DSTYK: variants seen among roughly 807,000 people sequenced by gnomAD.
The protein encoded by DSTYK is dual serine/threonine and tyrosine protein kinase, also known as RIP-homologous kinase.
A neutral mutation model predicts 98.7 loss-of-function variants in DSTYK; 34 were observed. That is an observed-to-expected ratio of 0.34 (90% CI 0.26 to 0.46). The LOEUF is 0.46. Among genes scored for constraint, DSTYK ranks in the 20% least tolerant of loss-of-function variants. DSTYK has a pLI of 1.00. For missense variants in DSTYK, 962 were observed against 1,181.7 expected, an observed-to-expected ratio of 0.81 and a Z score of 2.73; for synonymous variants, 462 against 457.3, an observed-to-expected ratio of 1.01 and a Z score of -0.13.
At chr1:205,168,018 A>G (rs918378428) in intron 3 of DSTYK, among the ~76,000 whole-genome samples, 2 of 152,194 alleles carry the variant, frequency 1.3e-5, no homozygotes, top group Non-Finnish European at 2.9e-5. Context: ...AGGCAGGGGA[A>G]TTGCTTGAAC....
intron 1 of DSTYK, among the ~76,000 whole-genome samples, chr1:205,207,006 G>A (rs868467698): frequency 6.6e-6 from 1 of 151,946 alleles, no homozygotes; most frequent in South Asian, 2.1e-4. Context: ...GTTAGTAAGA[G>A]GTGAAACCAG....
At chr1:205,204,639 T>C (rs1659148706) in intron 1 of DSTYK, among the ~76,000 whole-genome samples, 1 of 152,216 alleles carries the variant, frequency 6.6e-6, no homozygotes, top group African/African-American at 2.4e-5. Context: ...TACAATTCAG[T>C]GGCTTTTAGA....
intron 2 of DSTYK, among the ~76,000 whole-genome samples, chr1:205,174,151 G>A (rs1362144005): frequency 1.3e-5 from 2 of 152,074 alleles, no homozygotes; most frequent in South Asian, 4.1e-4. Flanking sequence ...GGTTGAGGTG[G>A]GCAGATTGCT....
chr1:205,183,947 T>C (rs1157134243), intron 2 of DSTYK, among the ~76,000 whole-genome samples: 1 of 152,164 alleles, frequency 6.6e-6, no homozygotes, highest in Non-Finnish European at 1.5e-5. Context: ...AAGCAGATCT[T>C]GAGAAACACT....
chr1:205,209,586 A>T (rs929285428), intron 1 of DSTYK, among the ~76,000 whole-genome samples: 1 of 143,022 alleles, frequency 7.0e-6, no homozygotes, highest in Non-Finnish European at 1.6e-5. Context: ...TTGGATAGGA[A>T]TTTAAAAAGC....
At chr1:205,204,366 C>G (rs1226731765) in intron 1 of DSTYK, among the ~76,000 whole-genome samples, 1 of 151,956 alleles carries the variant, frequency 6.6e-6, no homozygotes, top group Non-Finnish European at 1.5e-5. Flanking sequence ...GCCTCTAGCT[C>G]AAAACTGTTC....
At chr1:205,180,288 C>T (rs541007810) in intron 2 of DSTYK, among the ~76,000 whole-genome samples, 2 of 151,538 alleles carry the variant, frequency 1.3e-5, no homozygotes, top group South Asian at 4.2e-4. Flanking sequence ...GACAGGCCCC[C>T]GTGTGTGATG....
At chr1:205,207,948 C>T (rs1659258806) in intron 1 of DSTYK, among the ~76,000 whole-genome samples, 1 of 151,884 alleles carries the variant, frequency 6.6e-6, no homozygotes, top group South Asian at 2.1e-4. Context: ...GTGATTTCGG[C>T]TCACCACAAC....
chr1:205,187,382 A>G (rs190625072), intron 2 of DSTYK, 36 bp downstream of exon 2: 2 of 1,559,300 alleles, frequency 1.3e-6, no homozygotes, highest in African/African-American at 2.7e-5. Context: ...GCTGGTATAT[A>G]TGTATACAAT....
Position 205,150,545 on chromosome 1 carries a change from G to T in DSTYK, c.2467+135C>A. The T allele has an allele frequency of 1.6e-6, 1 of 644,380 alleles. No individual in the cohort carries two copies. The highest frequency in any genetic ancestry group is 2.7e-6 in the Non-Finnish European group (1 of 370,668). The allele number at this position is 644,380 out of a possible 1,614,324, so 39.9% of individuals were successfully genotyped here. On this transcript the variant is annotated intron_variant, in intron 11 of 12. Transcript: ENST00000367162. This position sits in a 1 kb window ranked among gnomAD's most constrained non-coding sequence, Gnocchi z 4.1. ...TTTCCCTGCTACTTGCCTTAGGTAG[G>T]TCTCCCCTGATCTGGTTTCTCCCTT...
intron 1 of DSTYK, among the ~76,000 whole-genome samples, chr1:205,201,821 A>T (rs978941150): frequency 6.6e-6 from 1 of 152,166 alleles, no homozygotes. Context: ...GCACTTTGGG[A>T]AGCCAAGACG....
At chr1:205,188,380 G>A (rs1191746028) in intron 1 of DSTYK, among the ~76,000 whole-genome samples, 4 of 152,134 alleles carry the variant, frequency 2.6e-5, no homozygotes, top group African/African-American at 9.7e-5. Context: ...AAACTTAGGT[G>A]GTATGGGTAT....
chr1:205,172,018 C>T (rs546070231), intron 2 of DSTYK, among the ~76,000 whole-genome samples: 56 of 152,280 alleles, frequency 3.7e-4, no homozygotes, highest in Non-Finnish European at 7.5e-4. Context: ...TGCAATGGCA[C>T]GAGCTCGGCT....
At chr1:205,176,231 A>G (rs889765765) in intron 2 of DSTYK, among the ~76,000 whole-genome samples, 24 of 152,298 alleles carry the variant, frequency 1.6e-4, no homozygotes, top group African/African-American at 5.8e-4. Flanking sequence ...TAATCCCAGC[A>G]TTTAGGGAGG....
At chr1:205,182,804 C>A (rs12041602) in intron 2 of DSTYK, among the ~76,000 whole-genome samples, 1 of 146,546 alleles carries the variant, frequency 6.8e-6, no homozygotes, top group Non-Finnish European at 1.5e-5. Flanking sequence ...AAGACTCCGT[C>A]TCAAAAAAAA....
At chr1:205,158,468 T>A (rs1004278030) in intron 9 of DSTYK, among the ~76,000 whole-genome samples, 3 of 152,096 alleles carry the variant, frequency 2.0e-5, no homozygotes, top group African/African-American at 7.2e-5. Flanking sequence ...TAAGGGAAAC[T>A]CAACATCCAA....
rs190223978 is a variant in DSTYK at position 205,202,191 on chromosome 1, A to C, written c.265+9080T>G. ...ACGTGGCCTGAGGTAATCCGTGAAA[A>C]TGGTTCGCTATTCACTTGACCCAGA... On this transcript the variant is annotated intron_variant, in intron 1 of 12. Transcript: ENST00000367162. 1,415 of 562,504 alleles carry C rather than the reference A, an allele frequency of 2.5e-3. 8 individuals are homozygous for C. Among genetic ancestry groups the C allele is most frequent in the Admixed American group, 4.6e-3 (241 of 52,618 alleles). 34.8% of individuals were successfully genotyped at this position (562,504 alleles called of 1,614,324 possible).
At chr1:205,166,664 A>C (rs535406273) in intron 3 of DSTYK, among the ~76,000 whole-genome samples, 1 of 152,292 alleles carries the variant, frequency 6.6e-6, no homozygotes, top group East Asian at 1.9e-4. Context: ...TGGTGTCTTT[A>C]ATCAAATATT....
Position 205,186,098 on chromosome 1 carries a change from A to G in DSTYK, c.654+1320T>C, listed in dbSNP as rs535393205. Reference sequence around the variant, plus strand: ...ATTGAGCTATTGGAAGCTTGAAGGAACTAGACCAAGACTGTATACTACAGA... The same window carrying G: ...ATTGAGCTATTGGAAGCTTGAAGGAGCTAGACCAAGACTGTATACTACAGA... On this transcript the variant is annotated intron_variant, in intron 2 of 12. Coordinates refer to ENST00000367162, the MANE Select transcript of DSTYK (RefSeq NM_015375.3). Among the ~76,000 whole-genome samples the G allele has an allele frequency of 6.6e-5, 10 of 152,318 alleles. No homozygotes were observed. The South Asian group carries it at 1.9e-3, about 28-fold the overall frequency.
Sources: gnomAD v4.1 joint callset for allele counts (sites outside exome capture counted in the v4.1 genomes callset) on GRCh38, gnomAD v4.1.1 for gene constraint, Gnocchi (gnomAD v3.1) non-coding constraint, MANE v1.5 for transcripts, NCBI Gene and HGNC (gene_info 2026-07-23, HGNC 2026-07-21) for gene names.